The following ALK variants were observed in gnomAD, a reference collection of about 807,000 sequenced individuals.
ALK encodes the protein ALK receptor tyrosine kinase.
Under a neutral mutation model 163.1 loss-of-function variants are expected in ALK, and 74 were observed. The observed-to-expected ratio is 0.45, with a 90% CI of 0.38 to 0.55. The LOEUF is 0.55. Among genes scored for constraint, ALK ranks in the 20% least tolerant of loss-of-function variants. The pLI, the probability that ALK is intolerant of heterozygous loss-of-function variation, is 0.00. For missense variants in ALK, 2,063 were observed against 2,105.3 expected (o/e 0.98, Z 0.39); for synonymous variants, 960 against 843.2 (o/e 1.14, Z -2.40).
intron 3 of ALK, among the ~76,000 whole-genome samples, chr2:29,640,562 G>C (rs2148245130): frequency 6.6e-6 from 1 of 152,232 alleles, no homozygotes; most frequent in Admixed American, 6.5e-5. Flanking sequence ...TGAGAAGCTG[G>C]ACAGGCCACA....
At chr2:29,247,516 C>T (rs1274857593) in intron 12 of ALK, among the ~76,000 whole-genome samples, 1 of 152,254 alleles carries the variant, frequency 6.6e-6, no homozygotes, top group Non-Finnish European at 1.5e-5. Flanking sequence ...CCATGCCAGC[C>T]TGCTGTCTTC....
At chr2:29,380,440 C>G (rs548153922) in intron 5 of ALK, among the ~76,000 whole-genome samples, 1 of 151,230 alleles carries the variant, frequency 6.6e-6, no homozygotes, top group South Asian at 2.1e-4. Flanking sequence ...TCTTTTGAGA[C>G]GGAGTTTCAC....
At chr2:29,693,124 G>A (rs187949901) in intron 3 of ALK, among the ~76,000 whole-genome samples, 14 of 152,218 alleles carry the variant, frequency 9.2e-5, no homozygotes, top group Non-Finnish European at 1.6e-4. Flanking sequence ...TTGTGATCTA[G>A]GTGGGATACA....
chr2:29,845,469 G>A (rs1041146506), intron 1 of ALK, among the ~76,000 whole-genome samples: 8 of 151,672 alleles, frequency 5.3e-5, no homozygotes, highest in East Asian at 1.9e-4. Context: ...AGTTTTGCTC[G>A]TGTCACCCAT....
At chr2:29,253,256 C>T (rs558442367) in intron 11 of ALK, among the ~76,000 whole-genome samples, 1 of 152,276 alleles carries the variant, frequency 6.6e-6, no homozygotes, top group South Asian at 2.1e-4. Context: ...TTTACTCACT[C>T]CTGTGCCCAA....
At chr2:29,759,270 A>C (rs1056459238) in intron 1 of ALK, among the ~76,000 whole-genome samples, 1 of 152,286 alleles carries the variant, frequency 6.6e-6, no homozygotes, top group East Asian at 1.9e-4. Context: ...CGTTTAGTCA[A>C]CTAAGTGGGC....
At chr2:29,337,846 G>A (rs1667668374) in intron 5 of ALK, among the ~76,000 whole-genome samples, 1 of 152,182 alleles carries the variant, frequency 6.6e-6, no homozygotes, top group Admixed American at 6.5e-5. Context: ...TGTTCAGTTT[G>A]TGTTGATGAG....
intron 1 of ALK, among the ~76,000 whole-genome samples, chr2:29,790,606 T>C (rs1664164272): frequency 6.6e-6 from 1 of 152,198 alleles, no homozygotes; most frequent in Admixed American, 6.5e-5. Flanking sequence ...TTCTTTGAGA[T>C]GGAGTCTTGC....
intron 3 of ALK, among the ~76,000 whole-genome samples, chr2:29,668,879 G>A (rs1223392695): frequency 1.3e-5 from 2 of 152,066 alleles, no homozygotes; most frequent in African/African-American, 4.8e-5. Context: ...CTTGGTGGCA[G>A]GCAAGAGAGA....
chr2:29,786,378 A>G (rs763635714), intron 1 of ALK, among the ~76,000 whole-genome samples: 20 of 152,230 alleles, frequency 1.3e-4, no homozygotes, highest in Non-Finnish European at 2.2e-4. Flanking sequence ...AAGCCTCTGC[A>G]CAGCCATCAG....
intron 8 of ALK, among the ~76,000 whole-genome samples, chr2:29,311,332 C>T (rs113040349): frequency 0.013 from 1,941 of 152,232 alleles, 35 homozygotes; most frequent in African/African-American, 0.043. Flanking sequence ...CTTCCGAAAA[C>T]GGCAGTGAGG....
chr2:29,598,086 G>T (rs1009816626), intron 3 of ALK, among the ~76,000 whole-genome samples: 4 of 152,216 alleles, frequency 2.6e-5, no homozygotes, highest in African/African-American at 9.6e-5. Context: ...GGAGTGCAAT[G>T]GTGCGATCTT....
At chr2:29,764,777 C>A (rs1680809845) in intron 1 of ALK, among the ~76,000 whole-genome samples, 1 of 152,144 alleles carries the variant, frequency 6.6e-6, no homozygotes, top group African/African-American at 2.4e-5. Context: ...TCCTTGGATG[C>A]CCCATTTTCA....
At chr2:29,570,580 G>A (rs114057083) in intron 3 of ALK, among the ~76,000 whole-genome samples, 495 of 152,330 alleles carry the variant, frequency 3.2e-3, no homozygotes, top group African/African-American at 0.011. Flanking sequence ...GGGTCTGCAG[G>A]AGCAGGCTCT....
intron 1 of ALK, among the ~76,000 whole-genome samples, chr2:29,824,341 C>G (rs1369145741): frequency 6.6e-6 from 1 of 152,236 alleles, no homozygotes; most frequent in Non-Finnish European, 1.5e-5. Context: ...AGAATCCCTA[C>G]TGGGGCACCA....
intron 5 of ALK, among the ~76,000 whole-genome samples, chr2:29,331,834 T>G (rs1667448173): frequency 6.6e-6 from 1 of 152,202 alleles, no homozygotes; most frequent in Non-Finnish European, 1.5e-5. Context: ...TGCCCCTCTT[T>G]CAAGGCACAG....
chr2:29,302,434 C>T (rs966543911), intron 8 of ALK, among the ~76,000 whole-genome samples: 3 of 152,216 alleles, frequency 2.0e-5, no homozygotes, highest in Admixed American at 2.0e-4. Flanking sequence ...AGGAGAATTG[C>T]TTCAACCCGG....
At chr2:29,631,338 T>C (rs1000607909) in intron 3 of ALK, among the ~76,000 whole-genome samples, 6 of 152,268 alleles carry the variant, frequency 3.9e-5, no homozygotes, top group African/African-American at 1.4e-4. Flanking sequence ...AGCTGTAAGC[T>C]GTTTCTAAAC....
At chr2:29,454,962 T>C (rs562520040) in intron 4 of ALK, among the ~76,000 whole-genome samples, 1 of 152,278 alleles carries the variant, frequency 6.6e-6, no homozygotes, top group Non-Finnish European at 1.5e-5. Context: ...GGAAGCGGGC[T>C]CAGAGAAGAA....
Sources: gnomAD v4.1 joint callset for allele counts (sites outside exome capture counted in the v4.1 genomes callset) on GRCh38, gnomAD v4.1.1 for gene constraint, MANE v1.5 for transcripts, NCBI Gene and HGNC (gene_info 2026-07-23, HGNC 2026-07-21) for gene names.